BBX: variants seen among roughly 807,000 people sequenced by gnomAD.
BBX encodes the protein HMG box transcription factor BBX.
BBX carries 30 observed loss-of-function variants against 100.2 expected under a neutral mutation model. That is an observed-to-expected ratio of 0.30 (90% CI 0.22 to 0.41). BBX has a LOEUF of 0.41. BBX is among the 10% of genes least tolerant of loss of function. BBX has a pLI of 1.00. For missense variants in BBX, 1,023 were observed against 1,129.8 expected (o/e 0.91, Z 1.35); for synonymous variants, 376 against 388.1 (o/e 0.97, Z 0.37).
chr3:107,574,452 T>C (rs1261750273), intron 2 of BBX, among the ~76,000 whole-genome samples: 3 of 152,218 alleles, frequency 2.0e-5, no homozygotes, highest in African/African-American at 4.8e-5. Flanking sequence ...GATAAGTATC[T>C]ATTAAAGTTT....
At chr3:107,523,221 G>T (rs751886004) in intron 1 of BBX, 114 bp downstream of exon 1, 9 of 157,464 alleles carry the variant, frequency 5.7e-5, no homozygotes, top group Non-Finnish European at 1.2e-4. Context: ...CAGGAGCAGC[G>T]GCGGCGGCGG....
intron 13 of BBX, among the ~76,000 whole-genome samples, chr3:107,779,961 A>G (rs1184914912): frequency 6.6e-6 from 1 of 152,144 alleles, no homozygotes; most frequent in African/African-American, 2.4e-5. Flanking sequence ...AAACAAGTCT[A>G]GTGAATAAAG....
At chr3:107,708,125 T>A (rs552314500) in intron 3 of BBX, among the ~76,000 whole-genome samples, 8 of 152,344 alleles carry the variant, frequency 5.3e-5, no homozygotes, top group Admixed American at 3.9e-4. Context: ...GAAATTGAGT[T>A]ACCTGTGCCA....
At chr3:107,540,887 AT>A (rs200343156) in intron 2 of BBX, among the ~76,000 whole-genome samples, 2 of 151,432 alleles carry the variant, frequency 1.3e-5, no homozygotes, top group Admixed American at 6.6e-5. Flanking sequence ...TCTTTTTGGA[AT>A]TTTTTTTTAC....
chr3:107,558,615 C>T (rs924555291), intron 2 of BBX, among the ~76,000 whole-genome samples: 1 of 152,152 alleles, frequency 6.6e-6, no homozygotes, highest in African/African-American at 2.4e-5. Flanking sequence ...GGCAAGTTGG[C>T]TCTCAAGCAG....
chr3:107,701,057 A>AT (rs2061010734), intron 3 of BBX, among the ~76,000 whole-genome samples: 1 of 151,982 alleles, frequency 6.6e-6, no homozygotes, highest in Non-Finnish European at 1.5e-5. Context: ...AGTCCCACCA[A>AT]CAGTGTAAAA....
chr3:107,633,512 ATC>A (rs1310847775), intron 2 of BBX, among the ~76,000 whole-genome samples: 2 of 152,218 alleles, frequency 1.3e-5, no homozygotes, highest in Non-Finnish European at 2.9e-5. Context: ...TAGAGCTGTC[ATC>A]TCTGGGCATC....
At chr3:107,666,730 C>T (rs2058766222) in intron 3 of BBX, among the ~76,000 whole-genome samples, 1 of 152,152 alleles carries the variant, frequency 6.6e-6, no homozygotes, top group Non-Finnish European at 1.5e-5. Flanking sequence ...TGCCACCACG[C>T]CCAGCTAATT....
At chr3:107,653,590 C>T (rs2057970464) in intron 3 of BBX, among the ~76,000 whole-genome samples, 1 of 152,150 alleles carries the variant, frequency 6.6e-6, no homozygotes, top group Non-Finnish European at 1.5e-5. Context: ...GCTTAATTTG[C>T]AGTTGTTCTG....
intron 2 of BBX, among the ~76,000 whole-genome samples, chr3:107,574,371 T>C (rs1457191301): frequency 6.6e-6 from 1 of 152,228 alleles, no homozygotes; most frequent in African/African-American, 2.4e-5. Context: ...ACAGGTTATT[T>C]CACTCTTTGC....
chr3:107,763,918 A>G (rs1201172292), intron 10 of BBX, among the ~76,000 whole-genome samples: 1 of 152,184 alleles, frequency 6.6e-6, no homozygotes, highest in Non-Finnish European at 1.5e-5. Context: ...CTTGGGAGGT[A>G]TAACTAAGGA....
intron 2 of BBX, among the ~76,000 whole-genome samples, chr3:107,616,018 TTTTTTTTTTTTTTTTTTTTTTTTTGC>T (rs1179572854): frequency 7.8e-6 from 1 of 128,932 alleles, no homozygotes; most frequent in Non-Finnish European, 1.7e-5. Context: ...TTTTTTTTTT[TTTTTTTTTTTTTTTTTTTTTTTTTGC>T]TGTTGTTGTT....
At chr3:107,542,540 CA>C (rs1382693182) in intron 2 of BBX, among the ~76,000 whole-genome samples, 2 of 152,162 alleles carry the variant, frequency 1.3e-5, no homozygotes, top group Non-Finnish European at 2.9e-5. Context: ...AATATGAAAA[CA>C]AAAGTCCTAA....
chr3:107,587,108 A>G (rs1372770941), intron 2 of BBX, among the ~76,000 whole-genome samples: 1 of 152,136 alleles, frequency 6.6e-6, no homozygotes, highest in Non-Finnish European at 1.5e-5. Context: ...TTAAAAATAT[A>G]TTCTACCATT....
In BBX at chr3:107,729,953, G is replaced by A. The variant is rs114368154; in HGVS notation, c.601+993G>A. On this transcript the variant is annotated intron_variant, in intron 6 of 17. Coordinates refer to ENST00000325805, the MANE Select transcript of BBX (RefSeq NM_001142568.3). ...ATTATTTTAATCAGTCCTGTATGGT[G>A]GCATGTGCCTATAGTCCTGGCTACT... 4.7e-3 allele frequency among the ~76,000 whole-genome samples: 712 copies of A among 152,182 alleles called. 4 individuals carry two copies. The highest frequency in any genetic ancestry group is 0.016 in the African/African-American group (666 of 41,526).
At chr3:107,763,807 C>G (rs1052792343) in intron 10 of BBX, among the ~76,000 whole-genome samples, 1 of 152,164 alleles carries the variant, frequency 6.6e-6, no homozygotes, top group African/African-American at 2.4e-5. Context: ...CTGCACATCA[C>G]TGTCAGATCC....
At chr3:107,647,373 A>G (rs1267841391) in intron 3 of BBX, among the ~76,000 whole-genome samples, 1 of 152,228 alleles carries the variant, frequency 6.6e-6, no homozygotes, top group Non-Finnish European at 1.5e-5. Context: ...TAATGAACCA[A>G]GATTACCATG....
rs755899872 is a variant in BBX, at chr3:107,716,585, G to T, written c.163-22G>T. On this transcript the variant is annotated intron_variant, in intron 4 of 17. Transcript: ENST00000325805. ...TTATCCAAAATATGTTAAAGATCTGGCTTTGTTTTTGGTGGTAATAGGTTC... is the reference window on the plus strand; with the variant it reads ...TTATCCAAAATATGTTAAAGATCTGTCTTTGTTTTTGGTGGTAATAGGTTC... 20 of 1,606,010 alleles carry T rather than the reference G, an allele frequency of 1.2e-5. No individual in the cohort carries two copies. In the African/African-American group the frequency reaches 2.4e-4, roughly 19 times the overall value.
intron 3 of BBX, among the ~76,000 whole-genome samples, chr3:107,701,085 C>T (rs1423413192): frequency 6.6e-6 from 1 of 152,070 alleles, no homozygotes; most frequent in Non-Finnish European, 1.5e-5. Context: ...TATTTCTCCA[C>T]ATCCTCTCCA....
Sources: allele counts gnomAD v4.1 joint callset (sites outside exome capture counted in the v4.1 genomes callset), GRCh38; gene constraint gnomAD v4.1.1; transcripts MANE v1.5; gene names NCBI Gene and HGNC (gene_info 2026-07-23, HGNC 2026-07-21).